CFAP251: variants seen among roughly 807,000 people sequenced by gnomAD.
The protein encoded by CFAP251 is cilia and flagella associated protein 251.
Under a neutral mutation model 126.7 loss-of-function variants are expected in CFAP251, and 93 were observed. The ratio of observed to expected loss-of-function variants is 0.73; its 90% CI spans 0.62 to 0.87. CFAP251 has a LOEUF of 0.87. Among genes scored for constraint, CFAP251 ranks in the 40% least tolerant of loss-of-function variants. The probability of loss-of-function intolerance (pLI) is 0.00; values close to 1 mark genes in which losing one functional copy is unlikely to be tolerated. For synonymous variants in CFAP251, 503 were observed against 506.9 expected (o/e 0.99, Z 0.10); for missense variants, 1,287 against 1,389.2 (o/e 0.93, Z 1.17).
At chr12:121,993,830 G>A (rs1338176344) in intron 19 of CFAP251, among the ~76,000 whole-genome samples, 72 of 112,080 alleles carry the variant, frequency 6.4e-4, no homozygotes, top group East Asian at 1.7e-3. Flanking sequence ...CAGCCGCCCC[G>A]TCCGGGAGGG....
intron 19 of CFAP251, among the ~76,000 whole-genome samples, chr12:121,984,453 C>T (rs1882698829): frequency 6.6e-6 from 1 of 151,958 alleles, no homozygotes; most frequent in African/African-American, 2.4e-5. Flanking sequence ...ACTACAGGCG[C>T]CCACCACCAC....
At chr12:121,937,613 G>A (rs1054616587) in intron 5 of CFAP251, among the ~76,000 whole-genome samples, 2 of 152,182 alleles carry the variant, frequency 1.3e-5, no homozygotes, top group East Asian at 3.8e-4. Context: ...TGACAAGATT[G>A]TTAGGGCCTG....
At chr12:121,983,701 C>T (rs1882681118) in intron 19 of CFAP251, among the ~76,000 whole-genome samples, 1 of 151,966 alleles carries the variant, frequency 6.6e-6, no homozygotes, top group Non-Finnish European at 1.5e-5. Context: ...TCAGTGAGGG[C>T]CCCGCTCACC....
intron 17 of CFAP251, among the ~76,000 whole-genome samples, chr12:121,973,227 C>G (rs1274041401): frequency 6.6e-6 from 1 of 152,240 alleles, no homozygotes; most frequent in Admixed American, 6.5e-5. Context: ...AAGCCCCAAG[C>G]CTTGGCAGCT....
chr12:121,992,858 C>G (rs1407787485), intron 19 of CFAP251, among the ~76,000 whole-genome samples: 1 of 152,170 alleles, frequency 6.6e-6, no homozygotes, highest in African/African-American at 2.4e-5. Context: ...GCGTAAGCCA[C>G]CCCACCCAGC....
chr12:121,966,903 C>T (rs201950013), intron 15 of CFAP251, 52 bp from the exon 16 acceptor site: 7 of 1,560,332 alleles, frequency 4.5e-6, no homozygotes, highest in Middle Eastern at 1.7e-4. Context: ...AATCTTAAAA[C>T]CTATGTTGAG....
At chr12:122,000,277 C>T (rs1428446893) in intron 20 of CFAP251, among the ~76,000 whole-genome samples, 3 of 152,156 alleles carry the variant, frequency 2.0e-5, no homozygotes, top group Admixed American at 6.5e-5. Context: ...TGGGGCCGGG[C>T]GCAGTGGCTC....
At chr12:121,971,759 A>G (rs1009671523) in intron 17 of CFAP251, 6 of 609,052 alleles carry the variant, frequency 9.9e-6, no homozygotes, top group Non-Finnish European at 1.8e-5. Flanking sequence ...TCTTTGTGAT[A>G]TGGTTTGGCT....
intron 19 of CFAP251, among the ~76,000 whole-genome samples, chr12:121,983,671 G>A (rs559647359): frequency 6.6e-6 from 1 of 152,178 alleles, no homozygotes; most frequent in African/African-American, 2.4e-5. Flanking sequence ...CTTCCCAAAA[G>A]GAGAGTTTCG....
In CFAP251 at chr12:121,999,758, G is replaced by A. The variant is rs1197128197; in HGVS notation, c.3049G>A (p.Asp1017Asn). Residue 1017 changes from aspartate (D) to asparagine (N), a missense_variant, in exon 20 of 22, where the codon GAC (aspartate) becomes AAC (asparagine). Transcript: ENST00000288912. ...CGAAATCAAATTTGGTGAATATGTG[G>A]ACACTGGAAAGCTAATCGACAAGAT... is the stretch of plus-strand genomic sequence containing the variant. Reference protein sequence around the residue: ...FNEIKFGEYVDTGKLIDKINL... With the variant: ...FNEIKFGEYVNTGKLIDKINL... 6 of 1,612,938 alleles carry A rather than the reference G, an allele frequency of 3.7e-6. No individual in the cohort carries two copies. In the African/African-American group the frequency reaches 8.0e-5, roughly 22 times the overall value.
chr12:121,977,985 A>AAAAAT (rs945430614), intron 19 of CFAP251, among the ~76,000 whole-genome samples: 6 of 151,610 alleles, frequency 4.0e-5, no homozygotes, highest in African/African-American at 1.5e-4. Context: ...ATAAATAAAT[A>AAAAAT]AAAATAAAAT....
At chr12:121,929,785 C>A (rs1880605361) in intron 3 of CFAP251, among the ~76,000 whole-genome samples, 1 of 151,854 alleles carries the variant, frequency 6.6e-6, no homozygotes, top group Non-Finnish European at 1.5e-5. Flanking sequence ...TCAAGCAATT[C>A]TCCTGGCTCA....
chr12:121,926,591 G>A (rs1052594795), intron 3 of CFAP251, among the ~76,000 whole-genome samples: 2 of 152,152 alleles, frequency 1.3e-5, no homozygotes, highest in Non-Finnish European at 2.9e-5. Context: ...GCCTCCCAAA[G>A]TGTTGAGATT....
At chr12:121,946,227 G>T (rs1372078963) in intron 7 of CFAP251, among the ~76,000 whole-genome samples, 1 of 152,220 alleles carries the variant, frequency 6.6e-6, no homozygotes, top group Non-Finnish European at 1.5e-5. Flanking sequence ...GCACGTATCA[G>T]TAGTGTATTC....
chr12:121,948,302 A>G (rs958164992), intron 7 of CFAP251: 1 of 152,252 alleles, frequency 6.6e-6, no homozygotes, highest in African/African-American at 2.4e-5. Context: ...TTAGAAATGT[A>G]TACGCAGCAG....
In CFAP251 at chr12:121,923,979, G is replaced by T. The variant is rs1277111288; in HGVS notation, c.736G>T (p.Val246Leu). The stretch of plus-strand genomic sequence containing the variant: ...GTTTCAAAAGGATAAAAGCACCCCG[G>T]TGTATCCCTTGGTAAGTGTAATGCT... ...ILFQKDKSTPVYPLTMTWSFG... is the reference protein window; with the variant it reads ...ILFQKDKSTPLYPLTMTWSFG... The change falls in exon 3 of 22, where the codon GTG (valine) becomes TTG (leucine). Residue 246 changes from valine (V) to leucine (L), a missense_variant. By Grantham distance (32) the Val-to-Leu change is conservative. Transcript: ENST00000288912. The T allele has an allele frequency of 6.2e-7, 1 of 1,608,690 alleles. No individual in the cohort carries two copies. Among genetic ancestry groups the T allele is most frequent in the Admixed American group, 1.7e-5 (1 of 59,056 alleles).
intron 14 of CFAP251, among the ~76,000 whole-genome samples, chr12:121,961,004 G>A (rs1008161007): frequency 3.3e-5 from 5 of 152,150 alleles, no homozygotes; most frequent in Admixed American, 6.5e-5. Flanking sequence ...GGCAAGGAGC[G>A]GGGAGTTCCC....
chr12:121,926,207 T>G (rs1455931292), intron 3 of CFAP251, among the ~76,000 whole-genome samples: 2 of 152,040 alleles, frequency 1.3e-5, no homozygotes, highest in African/African-American at 4.8e-5. Context: ...CAGGCTGGAC[T>G]AGAACTCAAT....
chr12:121,969,131 C>G, intron 17 of CFAP251: 1 of 985,432 alleles, frequency 1.0e-6, no homozygotes, highest in Non-Finnish European at 1.2e-6. Context: ...GAAAACAAAC[C>G]TGATTCCTGG....
Sources: allele counts gnomAD v4.1 joint callset (sites outside exome capture counted in the v4.1 genomes callset), GRCh38; gene constraint gnomAD v4.1.1; transcripts MANE v1.5; gene names NCBI Gene and HGNC (gene_info 2026-07-23, HGNC 2026-07-21).